The following COL6A3 variants were observed in gnomAD, a reference collection of about 807,000 sequenced individuals.
COL6A3 encodes the protein collagen alpha-3(VI) chain.
COL6A3 carries 137 observed loss-of-function variants against 274.1 expected under a neutral mutation model. The observed-to-expected ratio is 0.50, with a 90% CI of 0.44 to 0.58. COL6A3 has a LOEUF of 0.58. Ranked by LOEUF, COL6A3 falls within the 20% of genes least tolerant of loss-of-function variation. COL6A3 has a pLI of 0.00. For missense variants in COL6A3, 3,950 were observed against 4,124.9 expected (o/e 0.96, Z 1.16); for synonymous variants, 1,650 against 1,650.6 (o/e 1.00, Z 0.01).
rs553006403 is a variant in COL6A3 at position 237,361,338 on chromosome 2, A to G, written c.6157-164T>C. On this transcript the variant is annotated intron_variant, in intron 15 of 43. Transcript: ENST00000295550. The surrounding 1 kb of genome is among the most constrained non-coding windows in gnomAD (Gnocchi z 5.1). ...AGTACACCATGTCACGATTCTCTCT[A>G]TCAGGATCTCTAAGGCTCCTGCTCT... 1.1e-4 allele frequency among the ~76,000 whole-genome samples: 17 copies of G among 152,262 alleles called. No homozygotes were observed. Among genetic ancestry groups the G allele is most frequent in the Non-Finnish European group, 1.9e-4 (13 of 68,024 alleles).
At chr2:237,384,729 C>G (rs1446513988) in intron 4 of COL6A3, among the ~76,000 whole-genome samples, 1 of 152,118 alleles carries the variant, frequency 6.6e-6, no homozygotes, top group South Asian at 2.1e-4. Flanking sequence ...CCTCATCTGT[C>G]TCTGAGAAAA....
At chr2:237,401,635 C>A (rs2078592070) in intron 1 of COL6A3, among the ~76,000 whole-genome samples, 1 of 152,024 alleles carries the variant, frequency 6.6e-6, no homozygotes, top group Non-Finnish European at 1.5e-5. Flanking sequence ...TCATTAACTG[C>A]TATTCCTACA....
Position 237,368,447 on chromosome 2 carries a change from T to C in COL6A3, c.4900+116A>G. On this transcript the variant is annotated intron_variant, in intron 10 of 43. Coordinates refer to ENST00000295550, the MANE Select transcript of COL6A3 (RefSeq NM_004369.4). The surrounding 1 kb of genome is among the most constrained non-coding windows in gnomAD (Gnocchi z 4.4). ...TTCCAGTATTTAATTTCTAATATTA[T>C]CTGAAGAAACAACCCAGAGAGAAGA... 11 of 1,282,232 alleles carry C rather than the reference T, an allele frequency of 8.6e-6. No individual in the cohort carries two copies. In the South Asian group the frequency reaches 1.6e-4, roughly 19 times the overall value. The allele number at this position is 1,282,232 out of a possible 1,614,324, so 79.4% of individuals were successfully genotyped here. A position where few individuals can be genotyped will look rare whatever the true frequency, so the allele number is the denominator to read the frequency against.
At chr2:237,403,294 G>T (rs895332151) in intron 1 of COL6A3, among the ~76,000 whole-genome samples, 1 of 152,192 alleles carries the variant, frequency 6.6e-6, no homozygotes, top group African/African-American at 2.4e-5. Context: ...AAATTGGTGA[G>T]ATGGAGACAG....
At position 237,361,072 on chromosome 2, in the gene COL6A3, G is replaced by C; in HGVS notation, c.6210+49C>G. 1 of 1,457,270 alleles carries C rather than the reference G, an allele frequency of 6.9e-7. No homozygotes were observed. Among genetic ancestry groups the C allele is most frequent in the Non-Finnish European group, 9.6e-7 (1 of 1,037,046 alleles). 90.3% of individuals were successfully genotyped at this position (1,457,270 alleles called of 1,614,324 possible). A position where few individuals can be genotyped will look rare whatever the true frequency, so the allele number is the denominator to read the frequency against. On this transcript the variant is annotated intron_variant, in intron 16 of 43. Coordinates refer to ENST00000295550, the MANE Select transcript of COL6A3 (RefSeq NM_004369.4). The surrounding 1 kb of genome is among the most constrained non-coding windows in gnomAD (Gnocchi z 5.1). ...TCCACAATGCAATCCCAATGGGTAAGGATCAAGGAGGGGGTGAAATTTTAG... is the reference window on the plus strand; with the variant it reads ...TCCACAATGCAATCCCAATGGGTAACGATCAAGGAGGGGGTGAAATTTTAG...
At chr2:237,359,278 G>A (rs758264487) in intron 18 of COL6A3, 28 bp from the exon 19 acceptor site, 1 of 1,614,136 alleles carries the variant, frequency 6.2e-7, no homozygotes, top group East Asian at 2.2e-5. Flanking sequence ...GGACAGGTAA[G>A]TATAGAAAGC....
chr2:237,408,964 G>C (rs1574783846), intron 1 of COL6A3, among the ~76,000 whole-genome samples: 2 of 152,088 alleles, frequency 1.3e-5, no homozygotes, highest in Non-Finnish European at 1.5e-5. Flanking sequence ...GGAAGACTGG[G>C]AATGGGAAGA....
rs750446601 is a variant in COL6A3 at position 237,345,163 on chromosome 2, T to C, written c.7125+18A>G. On this transcript the variant is annotated intron_variant, in intron 33 of 43. Transcript: ENST00000295550. ...GGCTCATGAGGTTAATGAGTCATTC[T>C]GGACACATGCAACTTACATCGATGG... 1.2e-6 allele frequency: 2 copies of C among 1,614,232 alleles called. No individual in the cohort carries two copies. Among genetic ancestry groups the C allele is most frequent in the Admixed American group, 1.7e-5 (1 of 60,026 alleles).
At position 237,361,900 on chromosome 2, in the gene COL6A3, T is replaced by C; in HGVS notation, c.6064-69A>G. The C allele has an allele frequency of 2.2e-6, 3 of 1,372,518 alleles. No individual in the cohort carries two copies. The highest frequency in any genetic ancestry group is 3.1e-6 in the Non-Finnish European group (3 of 960,268). The allele number at this position is 1,372,518 out of a possible 1,614,324, so 85.0% of individuals were successfully genotyped here. Reference sequence around the variant, plus strand: ...GCCCAGCAGAAAATCATAAATGCGCTTTAAGGGTCAAAATCGGATGTGTGG... The same window carrying C: ...GCCCAGCAGAAAATCATAAATGCGCCTTAAGGGTCAAAATCGGATGTGTGG... On this transcript the variant is annotated intron_variant, in intron 14 of 43. Transcript: ENST00000295550. This position sits in a 1 kb window ranked among gnomAD's most constrained non-coding sequence, Gnocchi z 5.1.
intron 16 of COL6A3, among the ~76,000 whole-genome samples, chr2:237,360,534 G>A (rs974876376): frequency 1.3e-5 from 2 of 152,136 alleles, no homozygotes; most frequent in Non-Finnish European, 2.9e-5. Flanking sequence ...GAGCCCTGCC[G>A]GCTGGGCCCT....
chr2:237,379,340 A>G, intron 5 of COL6A3, 105 bp from the exon 6 acceptor site: 1 of 1,390,530 alleles, frequency 7.2e-7, no homozygotes, highest in South Asian at 1.2e-5. Context: ...GAACACAGAG[A>G]AAGTCAGCAT....
chr2:237,327,502 T>TGAGGGCCC (rs1160775288), intron 42 of COL6A3: 1 of 152,330 alleles, frequency 6.6e-6, no homozygotes, highest in Non-Finnish European at 1.5e-5. Flanking sequence ...AGCCCTCCAG[T>TGAGGGCCC]TCCACACCAC....
intron 1 of COL6A3, among the ~76,000 whole-genome samples, chr2:237,402,175 G>A (rs1333644795): frequency 6.6e-6 from 1 of 152,134 alleles, no homozygotes; most frequent in Non-Finnish European, 1.5e-5. Context: ...ATTTAAAGTA[G>A]TCAAAGTCTT....
rs1418905396 is a variant in COL6A3 at position 237,324,493 on chromosome 2, A to G, written c.*281T>C. 2.4e-6 allele frequency: 1 copy of G among 408,392 alleles called. No individual in the cohort carries two copies. The highest frequency in any genetic ancestry group is 4.4e-5 in the East Asian group (1 of 22,490). The allele number at this position is 408,392 out of a possible 1,614,324, so 25.3% of individuals were successfully genotyped here. On this transcript the variant is annotated 3_prime_UTR_variant, in exon 44 of 44. Transcript: ENST00000295550. ...ACATGAAACTCCAGAGGGAATTTGG[A>G]TTGATAGGAATGTTCACATAAACAC...
In COL6A3 at chr2:237,368,469, A is replaced by G; in HGVS notation, c.4900+94T>C. 6.9e-7 allele frequency: 1 copy of G among 1,455,034 alleles called. No individual in the cohort carries two copies. The highest frequency in any genetic ancestry group is 1.3e-5 in the South Asian group (1 of 77,590). The allele number at this position is 1,455,034 out of a possible 1,614,324, so 90.1% of individuals were successfully genotyped here. ...TTATCTGAAGAAACAACCCAGAGAG[A>G]AGAAAATTATTAAAAATGACTACTG... On this transcript the variant is annotated intron_variant, in intron 10 of 43. Coordinates refer to ENST00000295550, the MANE Select transcript of COL6A3 (RefSeq NM_004369.4). This position sits in a 1 kb window ranked among gnomAD's most constrained non-coding sequence, Gnocchi z 4.4.
intron 16 of COL6A3, 115 bp from the exon 17 acceptor site, chr2:237,360,274 C>T (rs1035494113): frequency 2.2e-5 from 23 of 1,058,380 alleles, no homozygotes; most frequent in African/African-American, 4.7e-5. Context: ...AAGCAGATTT[C>T]ACCATGGGGA....
intron 10 of COL6A3, 118 bp from the exon 11 acceptor site, chr2:237,367,404 G>C (rs1378378355): frequency 7.9e-7 from 1 of 1,272,812 alleles, no homozygotes; most frequent in Non-Finnish European, 1.1e-6. Context: ...TATTCACAGT[G>C]AAACCTTCAC....
At chr2:237,382,889 G>A (rs2094147668) in intron 4 of COL6A3, among the ~76,000 whole-genome samples, 1 of 152,164 alleles carries the variant, frequency 6.6e-6, no homozygotes, top group Non-Finnish European at 1.5e-5. Flanking sequence ...CTGGGTTCAA[G>A]CGATTCTCCC....
At chr2:237,393,230 C>G (rs748828722) in intron 3 of COL6A3, among the ~76,000 whole-genome samples, 2 of 152,176 alleles carry the variant, frequency 1.3e-5, no homozygotes, top group Non-Finnish European at 1.5e-5. Flanking sequence ...TGCAGAAAGG[C>G]AGGGATCCAC....
Sources: allele counts gnomAD v4.1 joint callset (sites outside exome capture counted in the v4.1 genomes callset), GRCh38; gene constraint gnomAD v4.1.1; non-coding constraint Gnocchi (gnomAD v3.1); transcripts MANE v1.5; gene names NCBI Gene and HGNC (gene_info 2026-07-23, HGNC 2026-07-21).